Variants in RELN observed in about 807,000 individuals in gnomAD.
RELN encodes the protein reelin.
Under a neutral mutation model 427.6 loss-of-function variants are expected in RELN, and 108 were observed. The observed-to-expected ratio is 0.25, with a 90% CI of 0.22 to 0.30. The LOEUF (loss-of-function observed/expected upper bound fraction) is 0.30, where lower values mean the gene tolerates loss of function less well. Ranked by LOEUF, RELN falls within the 10% of genes least tolerant of loss-of-function variation. The pLI is 1.00. For missense variants in RELN, 3,715 were observed against 4,302.8 expected (o/e 0.86, Z 3.82); for synonymous variants, 1,524 against 1,513.4 (o/e 1.01, Z -0.16).
chr7:103,589,484 C>T, intron 28 of RELN, 112 bp downstream of exon 28: 1 of 769,220 alleles, frequency 1.3e-6, no homozygotes, highest in Non-Finnish European at 2.3e-6. Context: ...TTATTTTTCC[C>T]AGAATTGTAT....
chr7:103,644,813 C>G (rs151267456), intron 16 of RELN, among the ~76,000 whole-genome samples: 7 of 151,556 alleles, frequency 4.6e-5, no homozygotes, highest in African/African-American at 1.5e-4. Context: ...AGGATGTCAC[C>G]AAGTTATATA....
rs1189909957 is a variant in RELN at position 103,920,576 on chromosome 7, T to G, written c.227-3391A>C. On this transcript the variant is annotated intron_variant, in intron 1 of 64. Coordinates refer to ENST00000428762, the MANE Select transcript of RELN (RefSeq NM_005045.4). ...GTTGTACCAGTCTTTGGTTTTTTTT[T>G]TTGTTTTTTTTTTTTTTGAGAGAGT... 1.1e-4 allele frequency among the ~76,000 whole-genome samples: 12 copies of G among 112,808 alleles called. No homozygotes were observed. The South Asian group carries it at 2.2e-3, about 21-fold the overall frequency. The allele number at this position is 112,808 out of a possible 152,430, so 74.0% of individuals were successfully genotyped here. A position where few individuals can be genotyped will look rare whatever the true frequency, so the allele number is the denominator to read the frequency against.
At chr7:103,619,617 CA>C (rs1189855401) in intron 20 of RELN, among the ~76,000 whole-genome samples, 2 of 152,218 alleles carry the variant, frequency 1.3e-5, no homozygotes, top group Non-Finnish European at 2.9e-5. Context: ...CACGTCACCG[CA>C]TTTTTAGAAA....
At chr7:103,669,625 C>G (rs1179785599) in intron 11 of RELN, among the ~76,000 whole-genome samples, 1 of 151,760 alleles carries the variant, frequency 6.6e-6, no homozygotes, top group Non-Finnish European at 1.5e-5. Context: ...TATAATATAA[C>G]CAAATCTTTG....
chr7:103,662,637 A>AG (rs1200935914), intron 11 of RELN, among the ~76,000 whole-genome samples: 1 of 151,690 alleles, frequency 6.6e-6, no homozygotes, highest in Non-Finnish European at 1.5e-5. Flanking sequence ...AAAAAAAAAA[A>AG]AAAAAAAAGA....
intron 46 of RELN, among the ~76,000 whole-genome samples, chr7:103,526,512 T>G (rs1055768018): frequency 2.0e-5 from 3 of 152,208 alleles, no homozygotes; most frequent in Admixed American, 6.5e-5. Context: ...TTCATATTCT[T>G]AGGAATAACT....
At chr7:103,684,826 A>G (rs780486855) in intron 10 of RELN, among the ~76,000 whole-genome samples, 16 of 152,172 alleles carry the variant, frequency 1.1e-4, no homozygotes, top group Middle Eastern at 3.2e-3. Context: ...ATATTTTTTC[A>G]AAACCATGCT....
chr7:103,859,075 A>C (rs955257118), intron 2 of RELN, among the ~76,000 whole-genome samples: 2 of 152,164 alleles, frequency 1.3e-5, no homozygotes, highest in African/African-American at 4.8e-5. Flanking sequence ...TTTAAAACTG[A>C]AGTGGTAAAA....
intron 2 of RELN, among the ~76,000 whole-genome samples, chr7:103,881,835 G>A (rs186508032): frequency 4.0e-4 from 61 of 152,248 alleles, no homozygotes; most frequent in African/African-American, 1.2e-3. Flanking sequence ...AAGCAACAAG[G>A]TTTTGGGTGG....
At chr7:103,741,016 G>C (rs1240696851) in intron 6 of RELN, among the ~76,000 whole-genome samples, 1 of 152,160 alleles carries the variant, frequency 6.6e-6, no homozygotes, top group Non-Finnish European at 1.5e-5. Flanking sequence ...GACCATGTTT[G>C]CCACAAGGAT....
intron 1 of RELN, among the ~76,000 whole-genome samples, chr7:103,924,988 A>G (rs1030317335): frequency 0.01 from 88 of 8,608 alleles, no homozygotes; most frequent in African/African-American, 0.023. Flanking sequence ...ATGCGCATAC[A>G]CATACACACA....
In RELN at chr7:103,496,902, C is replaced by T. The variant is rs1828858603; in HGVS notation, c.8951-134G>A. ...AGGAAATGACAACTGATTTTCCTGA[C>T]TTTGATATTAGGTATTCACTACTTA... On this transcript the variant is annotated intron_variant, in intron 55 of 64. Coordinates refer to ENST00000428762, the MANE Select transcript of RELN (RefSeq NM_005045.4). 6.5e-6 allele frequency: 6 copies of T among 925,996 alleles called. No homozygotes were observed. The Admixed American group carries it at 7.6e-5, about 12-fold the overall frequency. 57.4% of individuals were successfully genotyped at this position (925,996 alleles called of 1,614,324 possible).
Position 103,519,413 on chromosome 7 carries a change from T to A in RELN, c.7772A>T (p.Asn2591Ile), listed in dbSNP as rs113358456. The change falls in exon 49 of 65, where the codon AAC becomes ATC. Residue 2591 changes from asparagine (N) to isoleucine (I), a missense_variant. Coordinates refer to ENST00000428762, the MANE Select transcript of RELN (RefSeq NM_005045.4). Reference sequence around the variant, plus strand: ...AGAATATTCCAAGAGAACACCTTGGTTACGGTTGTTTGGTGTAATCAGGCA... The same window carrying A: ...AGAATATTCCAAGAGAACACCTTGGATACGGTTGTTTGGTGTAATCAGGCA... ...YGCLITPNNRNQGVLLEYSVN... is the reference protein window; with the variant it reads ...YGCLITPNNRIQGVLLEYSVN... The A allele has an allele frequency of 1.9e-6, 3 of 1,613,334 alleles. No homozygotes were observed. Among genetic ancestry groups the A allele is most frequent in the Non-Finnish European group, 2.5e-6 (3 of 1,179,328 alleles).
intron 3 of RELN, among the ~76,000 whole-genome samples, chr7:103,800,694 C>T (rs1019083736): frequency 1.3e-5 from 2 of 152,080 alleles, no homozygotes; most frequent in Non-Finnish European, 2.9e-5. Context: ...TCTAAAACAC[C>T]AAAAGCAATG....
intron 11 of RELN, among the ~76,000 whole-genome samples, chr7:103,675,629 T>A (rs1426994619): frequency 6.6e-6 from 1 of 152,206 alleles, no homozygotes; most frequent in Admixed American, 6.5e-5. Context: ...GCTATCTGAC[T>A]TCAAACTATA....
At position 103,510,821 on chromosome 7, in the gene RELN, G is replaced by T. The variant is rs781618090; in HGVS notation, c.8274+30C>A. The T allele has an allele frequency of 3.2e-6, 5 of 1,567,512 alleles. No homozygotes were observed. In the African/African-American group the frequency reaches 5.4e-5, roughly 17 times the overall value. On this transcript the variant is annotated intron_variant, in intron 51 of 64. Coordinates refer to ENST00000428762, the MANE Select transcript of RELN (RefSeq NM_005045.4). ...TTTGTTATATTGCTAATGTATGGTT[G>T]TTTATATAATCAAGATCATAACATT...
intron 5 of RELN, 62 bp from the exon 6 acceptor site, chr7:103,749,566 C>G (rs1286045037): frequency 3.6e-6 from 4 of 1,110,574 alleles, no homozygotes; most frequent in South Asian, 1.2e-5. Context: ...TAGCTAAACA[C>G]AAGTGCCAAC....
chr7:103,844,312 T>A (rs1793624717), intron 2 of RELN, among the ~76,000 whole-genome samples: 1 of 152,166 alleles, frequency 6.6e-6, no homozygotes, highest in African/African-American at 2.4e-5. Flanking sequence ...AAATGCCCAG[T>A]TGACCTATCT....
intron 6 of RELN, among the ~76,000 whole-genome samples, chr7:103,729,654 G>T (rs575979806): frequency 6.6e-6 from 1 of 152,098 alleles, no homozygotes; most frequent in Non-Finnish European, 1.5e-5. Context: ...CAGTAGCTTC[G>T]TAAGGACAAT....
Sources: gnomAD v4.1 joint callset for allele counts (sites outside exome capture counted in the v4.1 genomes callset) on GRCh38, gnomAD v4.1.1 for gene constraint, MANE v1.5 for transcripts, NCBI Gene and HGNC (gene_info 2026-07-23, HGNC 2026-07-21) for gene names.